Variants in RIPK2 observed in about 807,000 individuals in gnomAD.
RIPK2 encodes receptor-interacting serine/threonine-protein kinase 2.
Under a neutral mutation model 60.9 loss-of-function variants are expected in RIPK2, and 38 were observed. The ratio of observed to expected loss-of-function variants is 0.62; its 90% CI spans 0.48 to 0.82. The LOEUF is 0.82. Ranked by LOEUF, RIPK2 falls within the 40% of genes least tolerant of loss-of-function variation. The probability of loss-of-function intolerance (pLI) is 0.00; values close to 1 mark genes in which losing one functional copy is unlikely to be tolerated. For missense variants in RIPK2, 518 were observed against 647.0 expected (o/e 0.80, Z 2.16); for synonymous variants, 225 against 223.4 (o/e 1.01, Z -0.06).
intron 7 of RIPK2, among the ~76,000 whole-genome samples, chr8:89,781,027 G>A (rs1809490551): frequency 1.3e-5 from 2 of 150,344 alleles, no homozygotes; most frequent in African/African-American, 4.9e-5. Flanking sequence ...TGCTTACTTT[G>A]CCCTAATGAA....
In RIPK2 at chr8:89,784,141, TAAAAAAAAAAAAAA is replaced by T. The variant is rs71268283; in HGVS notation, c.1029+12_1029+25del. 1.1e-5 allele frequency: 6 copies of T among 558,326 alleles called. No individual in the cohort carries two copies. Among genetic ancestry groups the T allele is most frequent in the Admixed American group, 5.0e-5 (1 of 19,952 alleles). The allele number at this position is 558,326 out of a possible 1,614,324, so 34.6% of individuals were successfully genotyped here. A position where few individuals can be genotyped will look rare whatever the true frequency, so the allele number is the denominator to read the frequency against. On this transcript the variant is annotated splice_donor_5th_base_variant and intron_variant, in intron 8 of 10. Coordinates refer to ENST00000220751, the MANE Select transcript of RIPK2 (RefSeq NM_003821.6). ...CCTGTAAATCATGGTCCACAAGAGG[TAAAAAAAAAAAAAA>T]AAAAAAAAAGGTTATATTAAACTCA...
At chr8:89,779,951 A>G (rs761113426) in intron 6 of RIPK2, 124 bp from the exon 7 acceptor site, 1 of 598,716 alleles carries the variant, frequency 1.7e-6, no homozygotes, top group Non-Finnish European at 3.0e-6. Context: ...AAAGCTCGTA[A>G]AACAGCTGAA....
intron 6 of RIPK2, among the ~76,000 whole-genome samples, chr8:89,778,568 G>A (rs1396497156): frequency 6.6e-6 from 1 of 152,148 alleles, no homozygotes; most frequent in Non-Finnish European, 1.5e-5. Context: ...ATAACAATGT[G>A]TGGTCCTTTT....
At chr8:89,765,636 A>G (rs1365809874) in intron 3 of RIPK2, 140 bp downstream of exon 3, 4 of 498,248 alleles carry the variant, frequency 8.0e-6, no homozygotes, top group Non-Finnish European at 1.4e-5. Context: ...ATAGCCCCTA[A>G]TTTCTATCTT....
intron 6 of RIPK2, among the ~76,000 whole-genome samples, chr8:89,777,587 G>GTT (rs1241986925): frequency 6.6e-6 from 1 of 151,992 alleles, no homozygotes; most frequent in African/African-American, 2.4e-5. Context: ...GTGAGTGTGT[G>GTT]TGTGTGTGTG....
At position 89,771,790 on chromosome 8, in the gene RIPK2, G is replaced by A. The variant is rs759619568; in HGVS notation, c.691G>A (p.Asp231Asn). 2.0e-5 allele frequency: 32 copies of A among 1,599,106 alleles called. 1 individual carries two copies. In the Admixed American group the frequency reaches 4.1e-4, roughly 20 times the overall value. ...GTTATCCAGAAAACAGCCTTTTGAA[G>A]GTAAGTATGGTTTGACTTTTTTATG... is the stretch of plus-strand genomic sequence containing the variant. ...EVLSRKQPFE[D>N]VTNPLQIMYS... Residue 231 changes from aspartate (D) to asparagine (N), a missense_variant and splice_region_variant, in exon 5 of 11, where the codon GAT becomes AAT. This residue lies in a region of RIPK2 where 448 missense variants were observed against 534.7 expected (regional missense o/e 0.84). Coordinates refer to ENST00000220751, the MANE Select transcript of RIPK2 (RefSeq NM_003821.6).
intron 2 of RIPK2, among the ~76,000 whole-genome samples, chr8:89,763,212 C>A (rs11990303): frequency 6.6e-6 from 1 of 152,090 alleles, no homozygotes; most frequent in Non-Finnish European, 1.5e-5. Flanking sequence ...GTTACCATTC[C>A]TAACATTTAT....
chr8:89,770,064 C>A, intron 4 of RIPK2, 135 bp downstream of exon 4: 1 of 634,970 alleles, frequency 1.6e-6, no homozygotes, highest in Non-Finnish European at 2.5e-6. Flanking sequence ...AACTTGAGGC[C>A]CCACGGTGAT....
intron 1 of RIPK2, among the ~76,000 whole-genome samples, chr8:89,761,445 C>G (rs1235216289): frequency 6.6e-6 from 1 of 152,086 alleles, no homozygotes; most frequent in Admixed American, 6.5e-5. Context: ...GTTTTTCTTT[C>G]CATTTCCACT....
chr8:89,764,528 G>A (rs1039705363), intron 2 of RIPK2, among the ~76,000 whole-genome samples: 4 of 152,112 alleles, frequency 2.6e-5, no homozygotes, highest in Non-Finnish European at 5.9e-5. Flanking sequence ...GTGATTCATC[G>A]TGGATCTTCC....
intron 6 of RIPK2, among the ~76,000 whole-genome samples, chr8:89,779,572 G>A (rs377527543): frequency 4.6e-5 from 7 of 151,890 alleles, no homozygotes; most frequent in East Asian, 1.9e-4. Flanking sequence ...TGTCCGCCTC[G>A]GCCTCCCAAA....
chr8:89,769,908 G>A lies in RIPK2; in HGVS notation c.620G>A (p.Ser207Asn). The change falls in exon 4 of 11, where the codon AGT becomes AAT. Residue 207 changes from serine (S) to asparagine (N), a missense_variant. Ser to Asn is a conservative substitution (Grantham distance 46). Coordinates refer to ENST00000220751, the MANE Select transcript of RIPK2 (RefSeq NM_003821.6). ...GAACCTGGACAAAAATCAAGGGCCAGTATCAAGCACGATATATATAGGTAG... is the reference window on the plus strand; with the variant it reads ...GAACCTGGACAAAAATCAAGGGCCAATATCAAGCACGATATATATAGGTAG... Reference protein sequence around the residue: ...NYEPGQKSRASIKHDIYSYAV... With the variant: ...NYEPGQKSRANIKHDIYSYAV... The A allele has an allele frequency of 6.2e-7, 1 of 1,605,264 alleles. No homozygotes were observed. Among genetic ancestry groups the A allele is most frequent in the Non-Finnish European group, 8.5e-7 (1 of 1,175,688 alleles).
chr8:89,772,057 C>T (rs1413827544), intron 5 of RIPK2, among the ~76,000 whole-genome samples: 2 of 151,940 alleles, frequency 1.3e-5, no homozygotes, highest in South Asian at 2.1e-4. Context: ...CAGTAATTAG[C>T]TCTGTGATCA....
At position 89,779,307 on chromosome 8, in the gene RIPK2, T is replaced by G. The variant is rs868401847; in HGVS notation, c.854-768T>G. ...TGAAGTCCAATTTTTAGGCGGTTTT[T>G]GGGTTTTTTTTTTTTTTTTTTTTTT... On this transcript the variant is annotated intron_variant, in intron 6 of 10. Transcript: ENST00000220751. Among the ~76,000 whole-genome samples, 98 of 116,164 alleles carry G rather than the reference T, an allele frequency of 8.4e-4. 6 individuals are homozygous for G. The highest frequency in any genetic ancestry group is 2.8e-3 in the African/African-American group (80 of 28,516). The allele number at this position is 116,164 out of a possible 152,430, so 76.2% of individuals were successfully genotyped here.
At chr8:89,761,079 A>C (rs1563609023) in intron 1 of RIPK2, among the ~76,000 whole-genome samples, 1 of 152,186 alleles carries the variant, frequency 6.6e-6, no homozygotes, top group Non-Finnish European at 1.5e-5. Flanking sequence ...CCTTCTTGTT[A>C]CTCTTGAATT....
chr8:89,765,370 A>C lies in RIPK2; in HGVS notation c.357A>C (p.Pro119=). 6.2e-7 allele frequency: 1 copy of C among 1,610,560 alleles called. No individual in the cohort carries two copies. Among genetic ancestry groups the C allele is most frequent in the Middle Eastern group, 1.7e-4 (1 of 6,048 alleles). Residue 119 remains proline, a synonymous_variant, in exon 3 of 11, where the codon CCA becomes CCC. Transcript: ENST00000220751. ...CTGAATATCCTGATGTTGCTTGGCC[A>C]TTGAGATTTCGCATCCTGCATGAAA... ...RKTEYPDVAW[P]LRFRILHEIA... is the part of the protein sequence containing the mutation.
In RIPK2 at chr8:89,784,142, A is replaced by T. The variant is rs200988597; in HGVS notation, c.1029+3A>T. 297 of 42,596 alleles carry T rather than the reference A, an allele frequency of 7.0e-3. 1 individual carries two copies. Among genetic ancestry groups the T allele is most frequent in the Admixed American group, 0.011 (14 of 1,290 alleles). The allele number at this position is 42,596 out of a possible 1,614,324, so 2.6% of individuals were successfully genotyped here. On this transcript the variant is annotated splice_donor_region_variant and intron_variant, in intron 8 of 10. Transcript: ENST00000220751. ...CTGTAAATCATGGTCCACAAGAGGT[A>T]AAAAAAAAAAAAAAAAAAAAAAGGT...
At chr8:89,787,235 A>G (rs188497325) in intron 9 of RIPK2, among the ~76,000 whole-genome samples, 29 of 152,320 alleles carry the variant, frequency 1.9e-4, no homozygotes, top group African/African-American at 6.5e-4. Flanking sequence ...AATCTCTTAC[A>G]AGAAAAAGGA....
intron 3 of RIPK2, 32 bp downstream of exon 3, chr8:89,765,528 T>G (rs1809212774): frequency 7.1e-7 from 1 of 1,415,264 alleles, no homozygotes; most frequent in Non-Finnish European, 9.8e-7. Context: ...TTATGTTTCC[T>G]TGTCCTTATA....
Sources: allele counts gnomAD v4.1 joint callset (sites outside exome capture counted in the v4.1 genomes callset), GRCh38; gene constraint gnomAD v4.1.1; regional missense constraint gnomAD v4.1.1; transcripts MANE v1.5; gene names NCBI Gene and HGNC (gene_info 2026-07-23, HGNC 2026-07-21).